Variants in MED19 observed in about 807,000 individuals in gnomAD.
MED19 encodes the protein mediator of RNA polymerase II transcription subunit 19.
In MED19, 4 loss-of-function variants were observed where a neutral mutation model predicts 19.9. That is an observed-to-expected ratio of 0.20 (90% CI 0.10 to 0.46). The LOEUF is 0.46. MED19 is among the 20% of genes least tolerant of loss of function. MED19 has a pLI of 0.99. For synonymous variants in MED19, 139 were observed against 119.6 expected, an observed-to-expected ratio of 1.16 and a Z score of -1.06; for missense variants, 303 against 318.7, an observed-to-expected ratio of 0.95 and a Z score of 0.38.
At chr11:57,711,421 C>T (rs1946598288) in intron 1 of MED19, among the ~76,000 whole-genome samples, 1 of 152,182 alleles carries the variant, frequency 6.6e-6, no homozygotes. Context: ...GGAGCAATGT[C>T]GGCTCTCTGC....
intron 1 of MED19, among the ~76,000 whole-genome samples, chr11:57,709,411 AC>A (rs1159413760): frequency 6.6e-6 from 1 of 151,564 alleles, no homozygotes; most frequent in Non-Finnish European, 1.5e-5. Context: ...CATCTTGGAG[AC>A]CAAACATGTC....
At chr11:57,709,523 G>A (rs1395142419) in intron 1 of MED19, among the ~76,000 whole-genome samples, 2 of 152,016 alleles carry the variant, frequency 1.3e-5, no homozygotes, top group African/African-American at 4.8e-5. Flanking sequence ...AACTTAAAAA[G>A]GCATCAATTC....
chr11:57,710,174 C>T (rs768778626), intron 1 of MED19, among the ~76,000 whole-genome samples: 19 of 152,168 alleles, frequency 1.2e-4, no homozygotes, highest in Non-Finnish European at 1.9e-4. Context: ...CCAGCTTGCG[C>T]AACACAGTAA....
rs755635488 is a variant in MED19 at position 57,704,591 on chromosome 11, G to A, written c.571+128C>T. ...CAGTACATTGGTTTCTTCTTCAGGG[G>A]AATTTAGGAGTCCAGAGCTCCATAC... is the stretch of plus-strand genomic sequence containing the variant. On this transcript the variant is annotated intron_variant, in intron 3 of 4. Transcript: ENST00000431606. 13 of 1,604,302 alleles carry A rather than the reference G, an allele frequency of 8.1e-6. No homozygotes were observed. The South Asian group carries it at 1.5e-4, about 18-fold the overall frequency.
At chr11:57,705,612 C>T (rs557527601) in intron 1 of MED19, among the ~76,000 whole-genome samples, 33 of 151,246 alleles carry the variant, frequency 2.2e-4, no homozygotes, top group African/African-American at 8.0e-4. Flanking sequence ...TGAGATTGCG[C>T]CACTGCACTC....
At position 57,704,829 on chromosome 11, in the gene MED19, AG is replaced by A. The variant is rs765489287; in HGVS notation, c.475-15del. The stretch of plus-strand genomic sequence containing the variant: ...CTGCTCCGGCAACTGAAGGAACCAA[AG>A]GAAGGTCCAGGTGAGTAGAGGGAGG... On this transcript the variant is annotated splice_polypyrimidine_tract_variant and intron_variant, in intron 2 of 4. Coordinates refer to ENST00000431606, the Ensembl canonical transcript of MED19. The A allele has an allele frequency of 2.7e-5, 43 of 1,613,302 alleles. No individual in the cohort carries two copies. The highest frequency in any genetic ancestry group is 4.0e-5 in the African/African-American group (3 of 74,862).
intron 1 of MED19, among the ~76,000 whole-genome samples, chr11:57,711,109 C>T (rs1044626329): frequency 2.0e-5 from 3 of 152,262 alleles, no homozygotes; most frequent in Non-Finnish European, 4.4e-5. Flanking sequence ...TCTTGTCAGT[C>T]TTGTTCACAA....
intron 1 of MED19, among the ~76,000 whole-genome samples, chr11:57,709,022 A>T (rs531301683): frequency 6.6e-6 from 1 of 152,372 alleles, no homozygotes; most frequent in South Asian, 2.1e-4. Flanking sequence ...ACTTCAAAGT[A>T]CTATACCAAT....
chr11:57,704,452 TGA>T, intron 3 of MED19, 56 bp from the exon 4 acceptor site: 1 of 1,493,036 alleles, frequency 6.7e-7, no homozygotes, highest in Non-Finnish European at 9.0e-7. Context: ...TCTACTGTTA[TGA>T]ACCACTGAAG....
intron 1 of MED19, among the ~76,000 whole-genome samples, chr11:57,709,156 C>T (rs1406614376): frequency 2.0e-5 from 3 of 152,018 alleles, no homozygotes; most frequent in Non-Finnish European, 4.4e-5. Context: ...CCAAGGTGGG[C>T]GGATCACCTG....
At chr11:57,705,375 G>T in intron 1 of MED19, 146 bp from the exon 2 acceptor site, 1 of 969,482 alleles carries the variant, frequency 1.0e-6, no homozygotes, top group Non-Finnish European at 1.5e-6. Flanking sequence ...GAGCAGGCCG[G>T]ATGCAGTGGC....
chr11:57,705,154 C>T (rs1309813633), exon 2 of MED19: 1 of 1,614,154 alleles, frequency 6.2e-7, no homozygotes, highest in Non-Finnish European at 8.5e-7. Flanking sequence ...CACCTTCTTC[C>T]CACAGAATTT....
intron 1 of MED19, 136 bp downstream of exon 1, chr11:57,711,827 C>A (rs755541577): frequency 1.1e-6 from 1 of 951,580 alleles, no homozygotes. Flanking sequence ...CCTAACAGCG[C>A]TTCCGACTTA....
chr11:57,704,122 G>A lies in MED19; in HGVS notation c.667-16C>T. The A allele has an allele frequency of 6.5e-7, 1 of 1,536,160 alleles. No individual in the cohort carries two copies. The highest frequency in any genetic ancestry group is 8.7e-7 in the Non-Finnish European group (1 of 1,146,908). ...TATGTCGATTCTGGGGGAGAAAGAAGCAGGGTAAGAACAACTAGGAACTAG... is the reference window on the plus strand; with the variant it reads ...TATGTCGATTCTGGGGGAGAAAGAAACAGGGTAAGAACAACTAGGAACTAG... On this transcript the variant is annotated splice_polypyrimidine_tract_variant and intron_variant, in intron 4 of 4. Coordinates refer to ENST00000431606, the Ensembl canonical transcript of MED19.
intron 4 of MED19, 89 bp from the exon 5 acceptor site, chr11:57,704,195 G>A: frequency 6.5e-7 from 1 of 1,527,444 alleles, no homozygotes; most frequent in Non-Finnish European, 8.7e-7. Context: ...ACCTGCCTTG[G>A]GTTTTCAATC....
intron 1 of MED19, among the ~76,000 whole-genome samples, 180 bp downstream of exon 1, chr11:57,711,783 T>C (rs898459609): frequency 6.6e-6 from 1 of 152,114 alleles, no homozygotes; most frequent in Non-Finnish European, 1.5e-5. Context: ...CAACTCATCC[T>C]GGTTGAATTC....
chr11:57,708,351 T>C (rs1044959242), intron 1 of MED19, among the ~76,000 whole-genome samples: 1 of 152,110 alleles, frequency 6.6e-6, no homozygotes, highest in African/African-American at 2.4e-5. Context: ...CAACTTAGCT[T>C]TGGGGCCTCA....
chr11:57,708,379 A>G (rs566299536), intron 1 of MED19, among the ~76,000 whole-genome samples: 2 of 152,284 alleles, frequency 1.3e-5, no homozygotes, highest in South Asian at 2.1e-4. Flanking sequence ...CTACTCTCCT[A>G]TGCAAAATTT....
exon 1 of MED19, chr11:57,711,967 C>G (rs1164020073): frequency 1.9e-5 from 28 of 1,455,792 alleles, no homozygotes; most frequent in Non-Finnish European, 2.3e-5. Context: ...ACTCACCTGG[C>G]AGTTCCCTCA....
Sources: allele counts gnomAD v4.1 joint callset (sites outside exome capture counted in the v4.1 genomes callset), GRCh38; gene constraint gnomAD v4.1.1; transcripts MANE v1.5; gene names NCBI Gene and HGNC (gene_info 2026-07-23, HGNC 2026-07-21).